The following P3H2 variants were observed in gnomAD, a reference collection of about 807,000 sequenced individuals.
The protein encoded by P3H2 is leprecan-like 1.
P3H2 carries 80 observed loss-of-function variants against 87.0 expected under a neutral mutation model. The observed-to-expected ratio is 0.92, with a 90% CI of 0.77 to 1.11. P3H2 has a LOEUF of 1.11. Ranked by LOEUF, P3H2 falls within the 50% of genes least tolerant of loss-of-function variation. P3H2 has a pLI of 0.00. For synonymous variants in P3H2, 367 were observed against 359.3 expected, an observed-to-expected ratio of 1.02 and a Z score of -0.24; for missense variants, 1,001 against 923.9, an observed-to-expected ratio of 1.08 and a Z score of -1.08.
At chr3:190,122,095 CAAAG>C (rs1712632139), upstream of P3H2, 1 of 92,056 alleles carries the variant, frequency 1.1e-5, no homozygotes, top group African/African-American at 5.1e-5. Flanking sequence ...ACAAAAAAAA[CAAAG>C]AAAAAGAAAA....
At chr3:190,040,903 G>A (rs775932213) in intron 1 of P3H2, among the ~76,000 whole-genome samples, 2 of 150,470 alleles carry the variant, frequency 1.3e-5, no homozygotes, top group Admixed American at 1.3e-4. Context: ...GGCACTAAAG[G>A]TCTGGTATGG....
chr3:190,094,239 C>T (rs1007405178), intron 1 of P3H2, among the ~76,000 whole-genome samples: 1 of 152,196 alleles, frequency 6.6e-6, no homozygotes, highest in Non-Finnish European at 1.5e-5. Context: ...AATCTTGGAC[C>T]AAGTCCTCAT....
At chr3:189,975,317 C>A (rs999239512) in intron 8 of P3H2, among the ~76,000 whole-genome samples, 2 of 152,114 alleles carry the variant, frequency 1.3e-5, no homozygotes, top group African/African-American at 4.8e-5. Flanking sequence ...AGAGAGAGAC[C>A]ACAAGTTTAT....
chr3:190,068,730 C>T (rs1044392326), intron 1 of P3H2, among the ~76,000 whole-genome samples: 2 of 151,954 alleles, frequency 1.3e-5, no homozygotes, highest in African/African-American at 4.8e-5. Flanking sequence ...GAAGGCTTAT[C>T]ACTTAAAAGA....
At chr3:190,001,346 G>A (rs187946099) in intron 1 of P3H2, among the ~76,000 whole-genome samples, 8 of 152,254 alleles carry the variant, frequency 5.3e-5, no homozygotes, top group Non-Finnish European at 1.0e-4. Flanking sequence ...TTACTCTTTT[G>A]AAGGTTTTTT....
At position 190,120,251 on chromosome 3, in the gene P3H2, C is replaced by A; in HGVS notation, c.480+1G>T. ...GCAGTGGAGGAGCGCTCTGTGGGTA[C>A]CTTGATGTAGGCCCGCTGCAGGTAG... On this transcript the variant is annotated splice_donor_variant, in intron 1 of 14. Coordinates refer to ENST00000319332, the MANE Select transcript of P3H2 (RefSeq NM_018192.4). LOFTEE classifies it high-confidence loss of function. 2 of 1,610,002 alleles carry A rather than the reference C, an allele frequency of 1.2e-6. No homozygotes were observed. Among genetic ancestry groups the A allele is most frequent in the Non-Finnish European group, 1.7e-6 (2 of 1,178,976 alleles).
chr3:190,105,682 T>C (rs1453184366), intron 1 of P3H2, among the ~76,000 whole-genome samples: 2 of 152,350 alleles, frequency 1.3e-5, no homozygotes, highest in East Asian at 3.9e-4. Context: ...TATTCCATTA[T>C]TTTATAATCT....
At chr3:190,102,395 A>C (rs1711661563) in intron 1 of P3H2, among the ~76,000 whole-genome samples, 1 of 152,238 alleles carries the variant, frequency 6.6e-6, no homozygotes, top group South Asian at 2.1e-4. Flanking sequence ...AGAAGGTCAA[A>C]ATTTCAACAT....
At chr3:190,071,720 T>C (rs1726702869) in intron 1 of P3H2, among the ~76,000 whole-genome samples, 2 of 152,158 alleles carry the variant, frequency 1.3e-5, no homozygotes, top group Admixed American at 1.3e-4. Flanking sequence ...AAAAAGAACA[T>C]TTCTTTTTAG....
chr3:190,038,145 C>G (rs1436512087), intron 1 of P3H2, among the ~76,000 whole-genome samples: 5 of 151,658 alleles, frequency 3.3e-5, no homozygotes, highest in African/African-American at 1.2e-4. Flanking sequence ...TGCTTATCTA[C>G]TGTGCCTAAC....
chr3:190,038,178 G>A (rs1446428218), intron 1 of P3H2, among the ~76,000 whole-genome samples: 1 of 150,558 alleles, frequency 6.6e-6, no homozygotes, highest in Non-Finnish European at 1.5e-5. Context: ...AAGACCTGTC[G>A]CGAGCCGAGA....
At chr3:190,003,045 CTATT>C (rs1327211395) in intron 1 of P3H2, among the ~76,000 whole-genome samples, 5 of 152,306 alleles carry the variant, frequency 3.3e-5, no homozygotes, top group South Asian at 2.1e-4. Context: ...GTATAAGTAA[CTATT>C]TATCGTTTTC....
chr3:190,011,999 T>C (rs1320329947), intron 1 of P3H2, among the ~76,000 whole-genome samples: 1 of 152,104 alleles, frequency 6.6e-6, no homozygotes, highest in Non-Finnish European at 1.5e-5. Context: ...AACAAACATA[T>C]GTGTGGTATA....
At chr3:190,024,703 T>G (rs1725037612) in intron 1 of P3H2, among the ~76,000 whole-genome samples, 1 of 152,120 alleles carries the variant, frequency 6.6e-6, no homozygotes, top group African/African-American at 2.4e-5. Flanking sequence ...ATATCTGCAA[T>G]GATGTGAATT....
At chr3:190,052,954 A>C (rs1726029853) in intron 1 of P3H2, among the ~76,000 whole-genome samples, 1 of 152,102 alleles carries the variant, frequency 6.6e-6, no homozygotes, top group African/African-American at 2.4e-5. Flanking sequence ...TTTCATTTCT[A>C]TAGGTTAGTT....
chr3:190,092,490 T>TA (rs1305891536), intron 1 of P3H2, among the ~76,000 whole-genome samples: 1 of 152,148 alleles, frequency 6.6e-6, no homozygotes, highest in African/African-American at 2.4e-5. Context: ...ATACTCTCAT[T>TA]AGGAGCTACA....
chr3:189,974,077 G>T, intron 9 of P3H2, 73 bp from the exon 10 acceptor site: 3 of 1,256,414 alleles, frequency 2.4e-6, no homozygotes, highest in Non-Finnish European at 3.5e-6. Flanking sequence ...TGCTTTGGCT[G>T]CCAGAAAGCT....
chr3:190,018,000 C>T (rs1724822874), intron 1 of P3H2, among the ~76,000 whole-genome samples: 1 of 152,200 alleles, frequency 6.6e-6, no homozygotes. Flanking sequence ...GATTACCCTT[C>T]TCATGAATTG....
At chr3:190,048,687 G>GA (rs1258326081) in intron 1 of P3H2, among the ~76,000 whole-genome samples, 1 of 152,140 alleles carries the variant, frequency 6.6e-6, no homozygotes, top group East Asian at 1.9e-4. Flanking sequence ...AAGATGATCA[G>GA]AATTGAAGCC....
Sources: gnomAD v4.1 joint callset for allele counts (sites outside exome capture counted in the v4.1 genomes callset) on GRCh38, gnomAD v4.1.1 for gene constraint, MANE v1.5 for transcripts, NCBI Gene and HGNC (gene_info 2026-07-23, HGNC 2026-07-21) for gene names.